Variants in HS3ST5 observed in about 807,000 individuals in gnomAD.
HS3ST5 encodes the protein heparan sulfate glucosamine 3-O-sulfotransferase 5.
HS3ST5 carries 10 observed loss-of-function variants against 25.4 expected under a neutral mutation model. The ratio of observed to expected loss-of-function variants is 0.39; its 90% CI spans 0.24 to 0.67. The LOEUF is 0.67. Ranked by LOEUF, HS3ST5 falls within the 30% of genes least tolerant of loss-of-function variation. The pLI is 0.44. For synonymous variants in HS3ST5, 170 were observed against 162.4 expected (o/e 1.05, Z -0.36); for missense variants, 324 against 420.7 (o/e 0.77, Z 2.01).
At chr6:114,302,656 A>G (rs1323246025) in intron 1 of HS3ST5, among the ~76,000 whole-genome samples, 1 of 152,136 alleles carries the variant, frequency 6.6e-6, no homozygotes, top group Non-Finnish European at 1.5e-5. Flanking sequence ...AACTGTCAAC[A>G]TTTGCCAAGA....
At chr6:114,318,528 A>C (rs1775835731) in intron 1 of HS3ST5, among the ~76,000 whole-genome samples, 1 of 152,126 alleles carries the variant, frequency 6.6e-6, no homozygotes, top group South Asian at 2.1e-4. Context: ...CTGCCCACTA[A>C]GGCTCTTCAC....
At chr6:114,116,377 C>A (rs1214739343) in intron 3 of HS3ST5, among the ~76,000 whole-genome samples, 2 of 152,024 alleles carry the variant, frequency 1.3e-5, no homozygotes, top group Non-Finnish European at 2.9e-5. Flanking sequence ...AATTAGGAGA[C>A]CCCAGTTCTA....
At chr6:114,301,229 A>G (rs1304414755) in intron 1 of HS3ST5, among the ~76,000 whole-genome samples, 4 of 152,170 alleles carry the variant, frequency 2.6e-5, no homozygotes, top group Non-Finnish European at 5.9e-5. Flanking sequence ...TCAAAGGTCA[A>G]TTCTGTGCAA....
chr6:114,339,301 A>C (rs1776731637), intron 1 of HS3ST5, among the ~76,000 whole-genome samples: 2 of 152,162 alleles, frequency 1.3e-5, no homozygotes, highest in South Asian at 4.1e-4. Flanking sequence ...TACCTTGAGA[A>C]TTATTTTATT....
intron 3 of HS3ST5, among the ~76,000 whole-genome samples, chr6:114,118,967 C>A (rs2114869889): frequency 6.6e-6 from 1 of 152,198 alleles, no homozygotes; most frequent in South Asian, 2.1e-4. Flanking sequence ...AGTACCCAAG[C>A]CATGATGGAT....
At chr6:114,233,680 G>GA (rs932481845) in intron 1 of HS3ST5, among the ~76,000 whole-genome samples, 23 of 152,068 alleles carry the variant, frequency 1.5e-4, no homozygotes, top group South Asian at 2.1e-4. Context: ...TTGAAAAATA[G>GA]AAAAAAATAC....
At chr6:114,247,306 C>T (rs1210275683) in intron 1 of HS3ST5, among the ~76,000 whole-genome samples, 6 of 152,174 alleles carry the variant, frequency 3.9e-5, no homozygotes, top group Non-Finnish European at 7.3e-5. Flanking sequence ...ATACCAGCCA[C>T]TCAAGCAATG....
intron 1 of HS3ST5, among the ~76,000 whole-genome samples, chr6:114,255,712 C>A (rs1288313104): frequency 4.0e-5 from 6 of 151,844 alleles, no homozygotes; most frequent in Non-Finnish European, 5.9e-5. Context: ...TGGAAGCTGC[C>A]AAGGCTTGGG....
rs78750355 is a variant in HS3ST5, at chr6:114,275,348, G to A, written c.-338-46570C>T. Among the ~76,000 whole-genome samples the A allele has an allele frequency of 1.1e-3, 167 of 152,062 alleles. No homozygotes were observed. The East Asian group carries it at 0.03, about 27-fold the overall frequency. ...CTAAATACCAGTAGTAGCTAACATT[G>A]TCCCTTTGTGCCAAGCATTCTCTTT... On this transcript the variant is annotated intron_variant, in intron 1 of 4. Transcript: ENST00000312719.
At chr6:114,138,482 C>A (rs1312608027) in intron 3 of HS3ST5, among the ~76,000 whole-genome samples, 2 of 152,080 alleles carry the variant, frequency 1.3e-5, no homozygotes, top group African/African-American at 4.8e-5. Flanking sequence ...TCTGAAGAGG[C>A]CACATAAAAA....
intron 1 of HS3ST5, among the ~76,000 whole-genome samples, chr6:114,267,596 GTACT>G (rs201311024): frequency 0.016 from 2,419 of 152,230 alleles, 77 homozygotes; most frequent in African/African-American, 0.055. Context: ...TAGAGTTGGA[GTACT>G]TACTTCTTTA....
chr6:114,261,717 T>G (rs1773180272), intron 1 of HS3ST5, among the ~76,000 whole-genome samples: 1 of 152,238 alleles, frequency 6.6e-6, no homozygotes, highest in Non-Finnish European at 1.5e-5. Flanking sequence ...TGATTAATAT[T>G]CTTACATTAG....
At chr6:114,316,501 G>T (rs1458981126) in intron 1 of HS3ST5, among the ~76,000 whole-genome samples, 1 of 152,094 alleles carries the variant, frequency 6.6e-6, no homozygotes, top group Non-Finnish European at 1.5e-5. Flanking sequence ...TCAAATTGAT[G>T]ATTTTTTAAT....
intron 1 of HS3ST5, among the ~76,000 whole-genome samples, chr6:114,290,762 G>A (rs535516698): frequency 1.3e-5 from 2 of 151,730 alleles, no homozygotes; most frequent in East Asian, 3.9e-4. Context: ...ACTTGTATTG[G>A]TACTGTCATA....
At chr6:114,191,054 G>C (rs1366890844) in intron 2 of HS3ST5, among the ~76,000 whole-genome samples, 1 of 152,170 alleles carries the variant, frequency 6.6e-6, no homozygotes, top group Admixed American at 6.5e-5. Context: ...GACTTCAACT[G>C]TTGACATGTG....
chr6:114,103,683 C>A (rs1582603572), intron 3 of HS3ST5, among the ~76,000 whole-genome samples: 1 of 147,032 alleles, frequency 6.8e-6, no homozygotes, highest in East Asian at 2.0e-4. Context: ...TTCTAATTTT[C>A]TTTCTTTCTT....
intron 3 of HS3ST5, among the ~76,000 whole-genome samples, chr6:114,091,558 C>T (rs1390063631): frequency 6.6e-6 from 1 of 151,906 alleles, no homozygotes; most frequent in African/African-American, 2.4e-5. Flanking sequence ...GTGGTGGGCA[C>T]CTGTAGTCCC....
At chr6:114,320,898 C>T (rs1173324980) in intron 1 of HS3ST5, among the ~76,000 whole-genome samples, 3 of 94,304 alleles carry the variant, frequency 3.2e-5, no homozygotes, top group African/African-American at 4.6e-5. Context: ...GAAGTGCTCT[C>T]TCTCTCTCTC....
intron 1 of HS3ST5, among the ~76,000 whole-genome samples, chr6:114,313,913 T>G (rs1775641858): frequency 7.9e-6 from 1 of 127,198 alleles, no homozygotes; most frequent in Non-Finnish European, 1.7e-5. Context: ...GATTGTTGGA[T>G]CTAACCCCCA....
Sources: allele counts gnomAD v4.1 joint callset (sites outside exome capture counted in the v4.1 genomes callset), GRCh38; gene constraint gnomAD v4.1.1; transcripts MANE v1.5; gene names NCBI Gene and HGNC (gene_info 2026-07-23, HGNC 2026-07-21).